NBEA: variants seen among roughly 807,000 people sequenced by gnomAD.
The protein encoded by NBEA is lysosomal-trafficking regulator 2.
In NBEA, 44 loss-of-function variants were observed where a neutral mutation model predicts 343.4. The ratio of observed to expected loss-of-function variants is 0.13; its 90% confidence interval spans 0.10 to 0.16. The LOEUF (loss-of-function observed/expected upper bound fraction) is 0.16. Among genes scored for constraint, NBEA ranks in the 10% least tolerant of loss-of-function variants. The probability of loss-of-function intolerance (pLI) is 1.00; values close to 1 mark genes in which losing one functional copy is unlikely to be tolerated. For synonymous variants in NBEA, 1,175 were observed against 1,238.7 expected (o/e 0.95, Z 1.08); for missense variants, 2,555 against 3,631.3 (o/e 0.70, Z 7.62).
At chr13:35,103,814 T>G (rs2065775914) in intron 11 of NBEA, among the ~76,000 whole-genome samples, 1 of 151,912 alleles carries the variant, frequency 6.6e-6, no homozygotes, top group Non-Finnish European at 1.5e-5. Flanking sequence ...TTATGTTGTC[T>G]TACTGTCAAA....
At chr13:35,007,254 A>C (rs549872317) in intron 1 of NBEA, among the ~76,000 whole-genome samples, 8 of 152,158 alleles carry the variant, frequency 5.3e-5, no homozygotes, top group Admixed American at 3.3e-4. Context: ...TGATAGCCCT[A>C]TTCATTGTAT....
chr13:35,649,353 G>T (rs544233408), intron 51 of NBEA, among the ~76,000 whole-genome samples: 129 of 152,284 alleles, frequency 8.5e-4, no homozygotes, highest in African/African-American at 2.9e-3. Flanking sequence ...ATGTGGGTGT[G>T]TCTATGAGCT....
rs1285130995 is a variant in NBEA at position 35,507,667 on chromosome 13, C to T, written c.6585+35131C>T. Among the ~76,000 whole-genome samples, 3 of 152,112 alleles carry T rather than the reference C, an allele frequency of 2.0e-5. 1 individual carries two copies. The highest frequency in any genetic ancestry group is 4.4e-5 in the Non-Finnish European group (3 of 68,014). Reference sequence around the variant, plus strand: ...TTCTCTCACACCCAACATATACAGTCTCTTAGCAAGTCACATTATCTCTAC... The same window carrying T: ...TTCTCTCACACCCAACATATACAGTTTCTTAGCAAGTCACATTATCTCTAC... On this transcript the variant is annotated intron_variant, in intron 41 of 58. Transcript: ENST00000379939.
chr13:34,942,794 C>T lies in NBEA; in HGVS notation c.-27C>T. The stretch of plus-strand genomic sequence containing the variant: ...TACCGGCGGCGGCAGCGCCGCTGCT[C>T]TTCCCTTCTCCTCAGGAGGGGGGCC... On this transcript the variant is annotated 5_prime_UTR_variant, in exon 1 of 59. Transcript: ENST00000379939. 1.5e-6 allele frequency: 2 copies of T among 1,330,594 alleles called. No individual in the cohort carries two copies. Among genetic ancestry groups the T allele is most frequent in the African/African-American group, 1.6e-5 (1 of 64,486 alleles). The allele number at this position is 1,330,594 out of a possible 1,614,324, so 82.4% of individuals were successfully genotyped here.
At chr13:35,581,181 C>T (rs570108717) in intron 45 of NBEA, among the ~76,000 whole-genome samples, 2 of 152,172 alleles carry the variant, frequency 1.3e-5, no homozygotes, top group Admixed American at 1.3e-4. Context: ...GTTCTAGATC[C>T]TTGAGGAATC....
intron 48 of NBEA, among the ~76,000 whole-genome samples, chr13:35,621,420 C>T (rs1278127733): frequency 2.6e-5 from 4 of 152,058 alleles, no homozygotes. Context: ...CCCTGACCTC[C>T]TCCCCTAAAC....
At chr13:35,314,695 T>G (rs1425458327) in intron 36 of NBEA, among the ~76,000 whole-genome samples, 1 of 152,196 alleles carries the variant, frequency 6.6e-6, no homozygotes, top group Admixed American at 6.5e-5. Context: ...GTTTCTCATC[T>G]GTAGAATACT....
chr13:35,026,387 ACTGTTCC>A (rs754724562), intron 1 of NBEA, among the ~76,000 whole-genome samples: 3 of 152,180 alleles, frequency 2.0e-5, no homozygotes, highest in Non-Finnish European at 2.9e-5. Flanking sequence ...CTGTTTGCTG[ACTGTTCC>A]CTGCTTTGTT....
At chr13:35,512,316 C>A (rs563476845) in intron 41 of NBEA, among the ~76,000 whole-genome samples, 1 of 152,136 alleles carries the variant, frequency 6.6e-6, no homozygotes, top group Non-Finnish European at 1.5e-5. Context: ...TGGGATTAAA[C>A]CTGAATAGCA....
chr13:35,216,417 C>A (rs1342451697), intron 33 of NBEA, among the ~76,000 whole-genome samples: 1 of 151,874 alleles, frequency 6.6e-6, no homozygotes, highest in Non-Finnish European at 1.5e-5. Flanking sequence ...GGAACAGAGA[C>A]GATATGGCCT....
At chr13:35,563,905 A>G (rs184824587) in intron 44 of NBEA, among the ~76,000 whole-genome samples, 22 of 151,836 alleles carry the variant, frequency 1.4e-4, no homozygotes, top group Admixed American at 1.2e-3. Context: ...TTTTAGGTTC[A>G]AGGAGTACAT....
intron 10 of NBEA, among the ~76,000 whole-genome samples, chr13:35,091,693 C>G (rs1345847883): frequency 5.3e-5 from 8 of 151,832 alleles, no homozygotes; most frequent in Non-Finnish European, 1.2e-4. Flanking sequence ...ATAACATTAA[C>G]CACAGCATCA....
intron 44 of NBEA, 72 bp from the exon 45 acceptor site, chr13:35,566,833 C>T: frequency 2.5e-6 from 2 of 801,880 alleles, no homozygotes; most frequent in East Asian, 5.1e-5. Context: ...TCAGTAGATG[C>T]TTTGTAAAAA....
chr13:35,180,323 G>T (rs1258570403), intron 28 of NBEA, among the ~76,000 whole-genome samples: 1 of 151,674 alleles, frequency 6.6e-6, no homozygotes, highest in African/African-American at 2.4e-5. Flanking sequence ...TTATTCCTTA[G>T]ATATACTCTA....
At chr13:35,511,497 G>C (rs1003411272) in intron 41 of NBEA, among the ~76,000 whole-genome samples, 1 of 151,948 alleles carries the variant, frequency 6.6e-6, no homozygotes, top group Non-Finnish European at 1.5e-5. Flanking sequence ...ATTTGACAAA[G>C]AAAGAAAAAA....
chr13:35,642,082 G>T (rs1404256464), intron 49 of NBEA, among the ~76,000 whole-genome samples: 1 of 152,066 alleles, frequency 6.6e-6, no homozygotes, highest in East Asian at 1.9e-4. Context: ...TGGCTGCATG[G>T]TCTTTTGTAT....
intron 1 of NBEA, among the ~76,000 whole-genome samples, chr13:34,990,902 T>G (rs982468334): frequency 2.0e-5 from 3 of 152,226 alleles, no homozygotes; most frequent in Non-Finnish European, 4.4e-5. Flanking sequence ...CTTAGAAATT[T>G]CTTCTGCCAG....
At chr13:35,661,864 G>A (rs1410299496) in intron 55 of NBEA, among the ~76,000 whole-genome samples, 2 of 152,046 alleles carry the variant, frequency 1.3e-5, no homozygotes, top group African/African-American at 4.8e-5. Flanking sequence ...CTTCCCCAGG[G>A]TCAGAAATAA....
intron 36 of NBEA, among the ~76,000 whole-genome samples, chr13:35,324,500 A>G (rs983697840): frequency 1.3e-5 from 2 of 152,222 alleles, no homozygotes; most frequent in Admixed American, 1.3e-4. Flanking sequence ...TTTAATTACA[A>G]AGGTAATATA....
Sources: gnomAD v4.1 joint callset for allele counts (sites outside exome capture counted in the v4.1 genomes callset) on GRCh38, gnomAD v4.1.1 for gene constraint, MANE v1.5 for transcripts, NCBI Gene and HGNC (gene_info 2026-07-23, HGNC 2026-07-21) for gene names.